Variants in PELI2 observed in about 807,000 individuals in gnomAD.
PELI2 encodes the protein pellino E3 ubiquitin protein ligase family member 2, also known as E3 ubiquitin-protein ligase pellino homolog 2.
PELI2 carries 23 observed loss-of-function variants against 42.3 expected under a neutral mutation model. That is an observed-to-expected ratio of 0.54 (90% CI 0.39 to 0.77). The LOEUF is 0.77. Ranked by LOEUF, PELI2 falls within the 30% of genes least tolerant of loss-of-function variation. The pLI, the probability that PELI2 is intolerant of heterozygous loss-of-function variation, is 0.00. For synonymous variants in PELI2, 245 were observed against 212.2 expected, an observed-to-expected ratio of 1.15 and a Z score of -1.34; for missense variants, 463 against 553.2, an observed-to-expected ratio of 0.84 and a Z score of 1.64.
At chr14:56,162,247 A>G (rs1667631802) in intron 1 of PELI2, among the ~76,000 whole-genome samples, 1 of 151,978 alleles carries the variant, frequency 6.6e-6, no homozygotes, top group Middle Eastern at 3.2e-3. Context: ...ATACCCGTTA[A>G]CCATCCCTAC....
chr14:56,275,082 A>G (rs1036213864), intron 2 of PELI2, among the ~76,000 whole-genome samples: 1 of 152,108 alleles, frequency 6.6e-6, no homozygotes, highest in African/African-American at 2.4e-5. Flanking sequence ...TCATTCATTC[A>G]TTCATTCATT....
intron 2 of PELI2, among the ~76,000 whole-genome samples, chr14:56,269,284 A>G (rs1889016686): frequency 6.6e-6 from 1 of 152,010 alleles, no homozygotes; most frequent in Non-Finnish European, 1.5e-5. Context: ...CTACAAAAAA[A>G]TACAAAAAAT....
chr14:56,217,204 C>T (rs777922776), intron 2 of PELI2, among the ~76,000 whole-genome samples: 12 of 152,188 alleles, frequency 7.9e-5, no homozygotes, highest in Middle Eastern at 3.2e-3. Context: ...GAGGAGGAAA[C>T]GGAAACTGAG....
intron 2 of PELI2, among the ~76,000 whole-genome samples, chr14:56,216,554 T>C (rs1235178936): frequency 6.6e-6 from 1 of 152,282 alleles, no homozygotes; most frequent in African/African-American, 2.4e-5. Context: ...ATTTGTATCA[T>C]TTTTGTCAAA....
chr14:56,301,275 C>CA lies in PELI2; in HGVS notation c.*4114dup, dbSNP rs1890162476. The stretch of plus-strand genomic sequence containing the variant: ...AAGCCATTTTACAGGAAAAAATCTT[C>CA]AAAAACTATTAAATGGATATCAGCC... On this transcript the variant is annotated 3_prime_UTR_variant, in exon 6 of 6. Transcript: ENST00000267460. 1.3e-5 allele frequency: 2 copies of CA among 152,700 alleles called. No homozygotes were observed. Among genetic ancestry groups the CA allele is most frequent in the Admixed American group, 6.5e-5 (1 of 15,290 alleles). The allele number at this position is 152,700 out of a possible 1,614,324, so 9.5% of individuals were successfully genotyped here.
rs571220379 is a variant in PELI2 at position 56,295,077 on chromosome 14, C to T, written c.697-1523C>T. Among the ~76,000 whole-genome samples the T allele has an allele frequency of 2.7e-5, 4 of 148,432 alleles. No homozygotes were observed. The East Asian group carries it at 7.9e-4, about 29-fold the overall frequency. Reference sequence around the variant, plus strand: ...TCTTGCTCAGATCAAGAGCTGAGTGCCATCGAGTCTAATTTCTTTCTCTCT... The same window carrying T: ...TCTTGCTCAGATCAAGAGCTGAGTGTCATCGAGTCTAATTTCTTTCTCTCT... On this transcript the variant is annotated intron_variant, in intron 5 of 5. Coordinates refer to ENST00000267460, the MANE Select transcript of PELI2 (RefSeq NM_021255.3).
intron 2 of PELI2, among the ~76,000 whole-genome samples, chr14:56,260,739 G>A (rs1486818059): frequency 2.6e-5 from 4 of 152,144 alleles, no homozygotes; most frequent in African/African-American, 4.8e-5. Flanking sequence ...CTCAAGAAGC[G>A]AACACACTCT....
At chr14:56,272,741 A>G (rs1232272546) in intron 2 of PELI2, among the ~76,000 whole-genome samples, 1 of 152,236 alleles carries the variant, frequency 6.6e-6, no homozygotes, top group Non-Finnish European at 1.5e-5. Context: ...ATAAAAATGC[A>G]TATTTGCTTT....
chr14:56,166,099 G>A (rs531337298), intron 1 of PELI2, among the ~76,000 whole-genome samples: 1 of 151,782 alleles, frequency 6.6e-6, no homozygotes, highest in South Asian at 2.1e-4. Context: ...ATTTTCTCTG[G>A]TGATATGACT....
At chr14:56,130,062 T>G (rs1243630189) in intron 1 of PELI2, among the ~76,000 whole-genome samples, 1 of 35,380 alleles carries the variant, frequency 2.8e-5, no homozygotes, top group Non-Finnish European at 5.4e-5. Flanking sequence ...AGATCTGAGT[T>G]TTTTTTTTTC....
chr14:56,137,647 C>T (rs2139597990), intron 1 of PELI2, among the ~76,000 whole-genome samples: 1 of 152,294 alleles, frequency 6.6e-6, no homozygotes, highest in Non-Finnish European at 1.5e-5. Context: ...TGAAAAAACA[C>T]TCACATTCGT....
chr14:56,231,332 T>C (rs1239109262), intron 2 of PELI2, among the ~76,000 whole-genome samples: 1 of 152,198 alleles, frequency 6.6e-6, no homozygotes, highest in Non-Finnish European at 1.5e-5. Context: ...ATTGCACTTA[T>C]TCCAAAACTG....
chr14:56,258,129 G>A (rs895033465), intron 2 of PELI2, among the ~76,000 whole-genome samples: 5 of 152,212 alleles, frequency 3.3e-5, no homozygotes, highest in African/African-American at 1.2e-4. Context: ...AGAGTCTGCA[G>A]AAGAGTGTCA....
intron 1 of PELI2, among the ~76,000 whole-genome samples, chr14:56,166,862 A>G (rs888672875): frequency 6.6e-6 from 1 of 151,926 alleles, no homozygotes; most frequent in Non-Finnish European, 1.5e-5. Flanking sequence ...ATCTCAGCGC[A>G]CTGCAAGCTC....
chr14:56,144,207 G>T (rs1254519308), intron 1 of PELI2, among the ~76,000 whole-genome samples: 1 of 152,094 alleles, frequency 6.6e-6, no homozygotes, highest in African/African-American at 2.4e-5. Context: ...TTACTACCTT[G>T]TTCAATCCTA....
chr14:56,227,887 A>G (rs1887417652), intron 2 of PELI2, among the ~76,000 whole-genome samples: 1 of 152,236 alleles, frequency 6.6e-6, no homozygotes, highest in South Asian at 2.1e-4. Flanking sequence ...GAGTTCCACC[A>G]GCAAATCTGG....
intron 1 of PELI2, among the ~76,000 whole-genome samples, chr14:56,147,229 A>G: frequency 6.6e-6 from 1 of 152,160 alleles, no homozygotes; most frequent in East Asian, 1.9e-4. Context: ...ATTGTCTTCA[A>G]GTTTTGGCTA....
chr14:56,144,230 G>A (rs1033529189), intron 1 of PELI2, among the ~76,000 whole-genome samples: 2 of 152,068 alleles, frequency 1.3e-5, no homozygotes, highest in Non-Finnish European at 2.9e-5. Context: ...GTATCATTGA[G>A]GATTCAACCA....
rs745782839 is a variant in PELI2 at position 56,178,316 on chromosome 14, CT to C, written c.78-16del. On this transcript the variant is annotated intron_variant, in intron 1 of 5. Coordinates refer to ENST00000267460, the MANE Select transcript of PELI2 (RefSeq NM_021255.3). ...TGAAAAATCTGCAGATAGATGAACTCTTTCCTCTCTGTTTCTAGGTACAATG... is the reference window on the plus strand; with the variant it reads ...TGAAAAATCTGCAGATAGATGAACTCTTCCTCTCTGTTTCTAGGTACAATG... 2.0e-5 allele frequency: 33 copies of C among 1,613,272 alleles called. No homozygotes were observed. Among genetic ancestry groups the C allele is most frequent in the Middle Eastern group, 1.7e-4 (1 of 6,054 alleles).
Sources: allele counts gnomAD v4.1 joint callset (sites outside exome capture counted in the v4.1 genomes callset), GRCh38; gene constraint gnomAD v4.1.1; transcripts MANE v1.5; gene names NCBI Gene and HGNC (gene_info 2026-07-23, HGNC 2026-07-21).